The following TEPSIN variants were observed in gnomAD, a reference collection of about 807,000 sequenced individuals.
TEPSIN encodes the protein AP-4 complex accessory subunit tepsin.
In TEPSIN, 50 loss-of-function variants were observed where a neutral mutation model predicts 48.5. The observed-to-expected ratio is 1.03, with a 90% CI of 0.82 to 1.31. The LOEUF is 1.31. Ranked by LOEUF, TEPSIN falls within the 50% of genes most tolerant of loss-of-function variation. TEPSIN has a pLI of 0.00. For synonymous variants in TEPSIN, 392 were observed against 358.8 expected, an observed-to-expected ratio of 1.09 and a Z score of -1.05; for missense variants, 838 against 815.9, an observed-to-expected ratio of 1.03 and a Z score of -0.33.
Position 81,233,536 on chromosome 17 carries a change from C to A in TEPSIN, c.455-33G>T. On this transcript the variant is annotated intron_variant, in intron 6 of 12. Transcript: ENST00000637944. The surrounding 1 kb of genome is among the most constrained non-coding windows in gnomAD (Gnocchi z 5.8). Reference sequence around the variant, plus strand: ...GGGTCCTCCGTTAGCAGCAAGCCGGCCCCCACCCTCGGCCCTGCCCACGGA... The same window carrying A: ...GGGTCCTCCGTTAGCAGCAAGCCGGACCCCACCCTCGGCCCTGCCCACGGA... 6.4e-7 allele frequency: 1 copy of A among 1,568,496 alleles called. No homozygotes were observed. The highest frequency in any genetic ancestry group is 8.7e-7 in the Non-Finnish European group (1 of 1,154,500).
At chr17:81,236,196 G>C (rs1006288094) in intron 4 of TEPSIN, among the ~76,000 whole-genome samples, 7 of 152,200 alleles carry the variant, frequency 4.6e-5, no homozygotes, top group Admixed American at 4.6e-4. Context: ...CTTCTGCCTG[G>C]ACAGACCGAC....
In TEPSIN at chr17:81,233,421, T is replaced by C; in HGVS notation, c.526+11A>G. On this transcript the variant is annotated intron_variant, in intron 7 of 12. Transcript: ENST00000637944. The surrounding 1 kb of genome is among the most constrained non-coding windows in gnomAD (Gnocchi z 5.8). ...GAGATGCCAGAGCCCATGCAGGCCCTCCCCACTCACCCGTGCGGCCGTGTT... is the reference window on the plus strand; with the variant it reads ...GAGATGCCAGAGCCCATGCAGGCCCCCCCCACTCACCCGTGCGGCCGTGTT... 6.2e-7 allele frequency: 1 copy of C among 1,609,596 alleles called. No individual in the cohort carries two copies.
chr17:81,235,604 C>A (rs2062706164), intron 4 of TEPSIN, among the ~76,000 whole-genome samples: 1 of 152,210 alleles, frequency 6.6e-6, no homozygotes, highest in Non-Finnish European at 1.5e-5. Context: ...GCTGCAGCCC[C>A]CACCCCAGGG....
chr17:81,230,749 A>G lies in TEPSIN; in HGVS notation c.1099-71T>C, dbSNP rs559603508. ...CCACGCCAGGGAGGCCTATTTGGCC[A>G]TCTCTCTCCCTCTTCTTCCTCCTCA... On this transcript the variant is annotated intron_variant, in intron 11 of 12. Coordinates refer to ENST00000637944, the MANE Select transcript of TEPSIN (RefSeq NM_001363764.2). The surrounding 1 kb of genome is among the most constrained non-coding windows in gnomAD (Gnocchi z 4.2). 2 of 1,448,506 alleles carry G rather than the reference A, an allele frequency of 1.4e-6. No individual in the cohort carries two copies. The highest frequency in any genetic ancestry group is 1.8e-6 in the Non-Finnish European group (2 of 1,098,502). The allele number at this position is 1,448,506 out of a possible 1,614,324, so 89.7% of individuals were successfully genotyped here.
rs116064505 is a variant in TEPSIN at position 81,229,148 on chromosome 17, G to A, written c.1562C>T (p.Thr521Met). Residue 521 changes from threonine to methionine, a missense_variant, in exon 13 of 13, where the codon ACG becomes ATG. Coordinates refer to ENST00000637944, the MANE Select transcript of TEPSIN (RefSeq NM_001363764.2). ...GCTGGGGCCTCTCTTTGGGCTGTCC[G>A]TGCCCCCTGGGATCCGTTCAGGTCT... ...RWRPERIPGG[T>M]DSPKRGPSSC... 2.2e-5 allele frequency: 36 copies of A among 1,612,558 alleles called. No individual in the cohort carries two copies. Among genetic ancestry groups the A allele is most frequent in the South Asian group, 5.5e-5 (5 of 91,008 alleles).
chr17:81,228,918 G>C lies in TEPSIN; in HGVS notation c.*10C>G. 1.2e-6 allele frequency: 2 copies of C among 1,612,434 alleles called. No homozygotes were observed. Among genetic ancestry groups the C allele is most frequent in the East Asian group, 2.2e-5 (1 of 44,874 alleles). On this transcript the variant is annotated 3_prime_UTR_variant, in exon 13 of 13. Coordinates refer to ENST00000637944, the MANE Select transcript of TEPSIN (RefSeq NM_001363764.2). ...GCTGAAGCTGAAGACTCCAGGGCCAGGCCATCGGGTCAGGCGTTCAGGAAC... is the reference window on the plus strand; with the variant it reads ...GCTGAAGCTGAAGACTCCAGGGCCACGCCATCGGGTCAGGCGTTCAGGAAC...
chr17:81,234,359 G>C lies in TEPSIN; in HGVS notation c.308-311C>G, dbSNP rs2062684272. 6 of 284,516 alleles carry C rather than the reference G, an allele frequency of 2.1e-5. No individual in the cohort carries two copies. The highest frequency in any genetic ancestry group is 3.3e-5 in the Non-Finnish European group (5 of 153,580). The allele number at this position is 284,516 out of a possible 1,614,324, so 17.6% of individuals were successfully genotyped here. ...CCGAAGCCCACTCTCCCTGCCCCAG[G>C]TGCACCAGGGACCCCTCAGAGGCTT... On this transcript the variant is annotated intron_variant, in intron 4 of 12. Transcript: ENST00000637944. This position sits in a 1 kb window ranked among gnomAD's most constrained non-coding sequence, Gnocchi z 5.4.
chr17:81,231,718 G>A, intron 9 of TEPSIN, 27 bp from the exon 10 acceptor site: 1 of 1,609,932 alleles, frequency 6.2e-7, no homozygotes, highest in Non-Finnish European at 8.5e-7. Context: ...CCGGGTCAAG[G>A]GTGAGTGGAG....
intron 1 of TEPSIN, 129 bp downstream of exon 1, chr17:81,238,857 G>A (rs1187323836): frequency 1.5e-6 from 2 of 1,351,078 alleles, no homozygotes; most frequent in African/African-American, 1.5e-5. Context: ...CGGCGCGGGC[G>A]AAGGGGCCAG....
At chr17:81,237,236 T>G (rs1360933152) in intron 2 of TEPSIN, 151 bp downstream of exon 2, 2 of 1,190,002 alleles carry the variant, frequency 1.7e-6, no homozygotes, top group East Asian at 5.1e-5. Context: ...TCATCAGTAT[T>G]GCAGCCTTCA....
chr17:81,238,508 G>C (rs575067561), intron 1 of TEPSIN: 1 of 644,632 alleles, frequency 1.6e-6, no homozygotes, highest in South Asian at 6.7e-5. Context: ...ACTAAGAGGG[G>C]CTTACAATGG....
chr17:81,237,077 G>A lies in TEPSIN; in HGVS notation c.122-6C>T. ...CGGAGACTCGTGGGAGATTTCTGCG[G>A]CACGCTCGGGTTAGGGAAGGGCGAG... On this transcript the variant is annotated splice_region_variant and splice_polypyrimidine_tract_variant and intron_variant, in intron 2 of 12. Coordinates refer to ENST00000637944, the MANE Select transcript of TEPSIN (RefSeq NM_001363764.2). 6.3e-7 allele frequency: 1 copy of A among 1,580,456 alleles called. No individual in the cohort carries two copies. Among genetic ancestry groups the A allele is most frequent in the Non-Finnish European group, 8.6e-7 (1 of 1,162,956 alleles).
At position 81,233,576 on chromosome 17, in the gene TEPSIN, A is replaced by G. The variant is rs531718465; in HGVS notation, c.454+62T>C. The stretch of plus-strand genomic sequence containing the variant: ...CTGCCCACGGATGGCACAGACACCC[A>G]GGACACTCAAGGAGGCAGAAACCAG... On this transcript the variant is annotated intron_variant, in intron 6 of 12. Coordinates refer to ENST00000637944, the MANE Select transcript of TEPSIN (RefSeq NM_001363764.2). The surrounding 1 kb of genome is among the most constrained non-coding windows in gnomAD (Gnocchi z 5.8). 5.2e-5 allele frequency: 82 copies of G among 1,567,474 alleles called. No homozygotes were observed. In the African/African-American group the frequency reaches 1.0e-3, roughly 20 times the overall value.
Position 81,239,005 on chromosome 17 carries a change from C to A in TEPSIN, c.29G>T (p.Arg10Leu), listed in dbSNP as rs1331397899. 2.0e-6 allele frequency: 3 copies of A among 1,488,384 alleles called. No individual in the cohort carries two copies. The highest frequency in any genetic ancestry group is 1.5e-5 in the African/African-American group (1 of 68,404). 92.2% of individuals were successfully genotyped at this position (1,488,384 alleles called of 1,614,324 possible). A position where few individuals can be genotyped will look rare whatever the true frequency, so the allele number is the denominator to read the frequency against. Residue 10 changes from arginine (R) to leucine (L), a missense_variant, in exon 1 of 13, where the codon CGC becomes CTC. By Grantham distance (102) the Arg-to-Leu change is moderately radical (BLOSUM62 -2). Transcript: ENST00000637944. Reference sequence around the variant, plus strand: ...ACTCACCCGGTGTAGAAAGCTCAGGCGGTCCCGTAGCGGCGGCGCGGCAGC... The same window carrying A: ...ACTCACCCGGTGTAGAAAGCTCAGGAGGTCCCGTAGCGGCGGCGCGGCAGC... MAAAPPLRD[R>L]LSFLHRLPIL...
intron 11 of TEPSIN, 56 bp downstream of exon 11, chr17:81,231,342 C>A: frequency 6.9e-7 from 1 of 1,448,498 alleles, no homozygotes; most frequent in Non-Finnish European, 9.2e-7. Context: ...CACGCACACA[C>A]ACGCACACAG....
chr17:81,237,281 G>A (rs2062740368), intron 2 of TEPSIN, 106 bp downstream of exon 2: 3 of 1,343,784 alleles, frequency 2.2e-6, no homozygotes, highest in Non-Finnish European at 2.1e-6. Context: ...TAATAAAGGA[G>A]CCGTGCATCC....
chr17:81,237,305 A>G, intron 2 of TEPSIN, 82 bp downstream of exon 2: 1 of 1,470,886 alleles, frequency 6.8e-7, no homozygotes, highest in East Asian at 2.3e-5. Flanking sequence ...TAGGGACAGC[A>G]GAATCCCCAG....
chr17:81,232,569 CG>C, intron 7 of TEPSIN, 51 bp from the exon 8 acceptor site: 1 of 1,485,224 alleles, frequency 6.7e-7, no homozygotes, highest in South Asian at 1.2e-5. Flanking sequence ...GGCCCCCACC[CG>C]CGTTCTCTGG....
At position 81,228,413 on chromosome 17, in the gene TEPSIN, C is replaced by CT; in HGVS notation, c.*514_*515insA. 8.8e-5 allele frequency: 16 copies of CT among 182,708 alleles called. No individual in the cohort carries two copies. The highest frequency in any genetic ancestry group is 1.4e-4 in the Non-Finnish European group (12 of 88,588). 11.3% of individuals were successfully genotyped at this position (182,708 alleles called of 1,614,324 possible). ...TACAGCCTAAAGGAGCAGGTGAGAG[C>CT]CAGGGAAGGATCACGTAGGGATCTG... On this transcript the variant is annotated 3_prime_UTR_variant, in exon 13 of 13. Coordinates refer to ENST00000637944, the MANE Select transcript of TEPSIN (RefSeq NM_001363764.2).
Sources: allele counts gnomAD v4.1 joint callset (sites outside exome capture counted in the v4.1 genomes callset), GRCh38; gene constraint gnomAD v4.1.1; non-coding constraint Gnocchi (gnomAD v3.1); transcripts MANE v1.5; gene names NCBI Gene and HGNC (gene_info 2026-07-23, HGNC 2026-07-21).